LILRA4: variants seen among roughly 807,000 people sequenced by gnomAD.
The protein encoded by LILRA4 is leukocyte immunoglobulin-like receptor subfamily A member 4.
Under a neutral mutation model 49.5 loss-of-function variants are expected in LILRA4, and 51 were observed. That is an observed-to-expected ratio of 1.03 (90% CI 0.82 to 1.30). LILRA4 has a LOEUF of 1.30. LILRA4 is among the 50% of genes most tolerant of loss of function. The pLI is 0.00. For missense variants in LILRA4, 624 were observed against 625.6 expected (o/e 1.00, Z 0.03); for synonymous variants, 272 against 265.6 (o/e 1.02, Z -0.23).
chr19:54,337,731 T>C, intron 4 of LILRA4, 35 bp from the exon 5 acceptor site: 1 of 1,593,390 alleles, frequency 6.3e-7, no homozygotes, highest in South Asian at 1.1e-5. Flanking sequence ...TCGGAGCGGC[T>C]GGTTCCTCCT....
chr19:54,338,476 T>C lies in LILRA4; in HGVS notation c.275A>G (p.His92Arg), dbSNP rs531284472. ...KLSIPSMMWEHAGRYHCYYQS... is the reference protein window; with the variant it reads ...KLSIPSMMWERAGRYHCYYQS... ...ATAGTAACAGTGATATCGCCCTGCA[T>C]GTTCCCACATCATGGATGGGATGGA... The change falls in exon 3 of 8, where the codon CAT becomes CGT. Residue 92 changes from histidine to arginine, a missense_variant. Transcript: ENST00000291759. 2.5e-6 allele frequency: 4 copies of C among 1,614,164 alleles called. No individual in the cohort carries two copies. Among genetic ancestry groups the C allele is most frequent in the African/African-American group, 2.7e-5 (2 of 75,046 alleles).
chr19:54,338,217 A>G lies in LILRA4; in HGVS notation c.374T>C (p.Leu125Pro), dbSNP rs1434356725. Residue 125 changes from leucine to proline, a missense_variant, in exon 4 of 8, where the codon CTG becomes CCG. Coordinates refer to ENST00000291759, the MANE Select transcript of LILRA4 (RefSeq NM_012276.5). ...LVVTAYSRPT[L>P]SALPSPVVTS... ...CACCACAGGGCTTGGCAGTGCGGAC[A>G]GGGTGGGTCTGCTGTAGGCTTTCAA... 2 of 1,611,736 alleles carry G rather than the reference A, an allele frequency of 1.2e-6. No individual in the cohort carries two copies. The highest frequency in any genetic ancestry group is 2.2e-5 in the South Asian group (2 of 91,024).
rs1569167301 is a variant in LILRA4 at position 54,338,514 on chromosome 19, G to A, written c.237C>T (p.Asn79=). The A allele has an allele frequency of 1.9e-6, 3 of 1,614,024 alleles. No homozygotes were observed. The highest frequency in any genetic ancestry group is 2.5e-6 in the Non-Finnish European group (3 of 1,180,000). Reference sequence around the variant, plus strand: ...TGGATGGGATGGAGAGTTTGACCTTGTTTTCAGACTCCAGTGTTTTTAATA... The same window carrying A: ...TGGATGGGATGGAGAGTTTGACCTTATTTTCAGACTCCAGTGTTTTTAATA... ...RHILKTLESE[N]KVKLSIPSMM... The change falls in exon 3 of 8, where the codon AAC becomes AAT. Residue 79 remains asparagine, a synonymous_variant. Coordinates refer to ENST00000291759, the MANE Select transcript of LILRA4 (RefSeq NM_012276.5).
At chr19:54,337,821 G>C in intron 4 of LILRA4, 115 bp downstream of exon 4, 1 of 1,445,684 alleles carries the variant, frequency 6.9e-7, no homozygotes, top group Non-Finnish European at 9.3e-7. Context: ...TGTGTCCCCA[G>C]GGCCCCCATC....
Position 54,337,603 on chromosome 19 carries a change from T to C in LILRA4, c.749A>G (p.Tyr250Cys), listed in dbSNP as rs1377296651. Residue 250 changes from tyrosine to cysteine, a missense_variant, in exon 5 of 8, where the codon TAC (tyrosine) becomes TGC (cysteine). Tyr to Cys is a radical substitution (Grantham distance 194, BLOSUM62 -2). Coordinates refer to ENST00000291759, the MANE Select transcript of LILRA4 (RefSeq NM_012276.5). ...CTCCTTGTACAGAGTGTATCTGATG[T>C]AGCCGACATCAGAGCCACACTGGAG... ...LTLQCGSDVG[Y>C]IRYTLYKEGA... is the part of the protein sequence containing the mutation. The C allele has an allele frequency of 5.0e-6, 8 of 1,613,670 alleles. No homozygotes were observed. The highest frequency in any genetic ancestry group is 6.8e-6 in the Non-Finnish European group (8 of 1,179,920).
At chr19:54,337,869 G>A in intron 4 of LILRA4, 67 bp downstream of exon 4, 1 of 1,528,110 alleles carries the variant, frequency 6.5e-7, no homozygotes, top group Non-Finnish European at 8.8e-7. Context: ...GCTAGCCCGA[G>A]GGTAAGGCTC....
At chr19:54,337,899 C>T (rs768453006) in intron 4 of LILRA4, 37 bp downstream of exon 4, 3 of 1,577,492 alleles carry the variant, frequency 1.9e-6, no homozygotes, top group Non-Finnish European at 2.6e-6. Flanking sequence ...CACCTGGTGC[C>T]CTGACTTTGT....
At chr19:54,337,358 C>A in intron 5 of LILRA4, 42 bp downstream of exon 5, 1 of 1,603,040 alleles carries the variant, frequency 6.2e-7, no homozygotes, top group Middle Eastern at 2.3e-4. Flanking sequence ...AGGGCCTGTG[C>A]AGAGCCTGGG....
At position 54,337,505 on chromosome 19, in the gene LILRA4, T is replaced by G; in HGVS notation, c.847A>C (p.Ser283Arg). The G allele has an allele frequency of 6.2e-7, 1 of 1,606,756 alleles. No individual in the cohort carries two copies. The highest frequency in any genetic ancestry group is 8.5e-7 in the Non-Finnish European group (1 of 1,174,872). The change falls in exon 5 of 8, where the codon AGC becomes CGC. Residue 283 changes from serine (S) to arginine (R), a missense_variant. Ser to Arg is a moderately radical substitution (Grantham distance 110). Transcript: ENST00000291759. ...CCCCCGTAGGAGCGGCTCACAGGGC[T>G]CAGGGTGAAGTTGGCCTGGGAGAGC... The part of the protein sequence containing the change: ...AGLSQANFTL[S>R]PVSRSYGGQY...
At position 54,337,708 on chromosome 19, in the gene LILRA4, G is replaced by T; in HGVS notation, c.656-12C>A. 6.2e-7 allele frequency: 1 copy of T among 1,609,980 alleles called. No homozygotes were observed. Among genetic ancestry groups the T allele is most frequent in the Non-Finnish European group, 8.5e-7 (1 of 1,178,744 alleles). ...CTTCCTAGACACGCCTGGAGGGAAA[G>T]ATGAGTTGGGACTCGGAGCGGCTGG... On this transcript the variant is annotated splice_polypyrimidine_tract_variant and intron_variant, in intron 4 of 7. Coordinates refer to ENST00000291759, the MANE Select transcript of LILRA4 (RefSeq NM_012276.5).
Position 54,333,719 on chromosome 19 carries a change from A to G in LILRA4, c.1353T>C (p.Gly451=), listed in dbSNP as rs143313625. The part of the protein sequence containing the change: ...DYTVENLIRM[G]VAGLVLLFLG... ...GGAACAGCAGGACCAAGCCAGCCAC[A>G]CCCATGCGGATGAGATTCTCCACTG... is the stretch of plus-strand genomic sequence containing the variant. The change falls in exon 8 of 8, where the codon GGT becomes GGC. Residue 451 remains glycine (G), a synonymous_variant. Coordinates refer to ENST00000291759, the MANE Select transcript of LILRA4 (RefSeq NM_012276.5). 2.7e-3 allele frequency: 4,282 copies of G among 1,614,030 alleles called. 12 individuals are homozygous for G. The highest frequency in any genetic ancestry group is 3.1e-3 in the Non-Finnish European group (3,666 of 1,179,998).
chr19:54,337,121 G>A lies in LILRA4; in HGVS notation c.975C>T (p.Ser325=). ...CCGTGGGGCCCGGCTGCACTGAGAG[G>A]GAGGGTCTGTCAGAGATCTGTCCTG... ...LIAGQISDRP[S]LSVQPGPTVT... is the part of the protein sequence containing the mutation. Residue 325 remains serine, a synonymous_variant, in exon 6 of 8, where the codon TCC becomes TCT. Transcript: ENST00000291759. 1 of 1,613,640 alleles carries A rather than the reference G, an allele frequency of 6.2e-7. No homozygotes were observed. Among genetic ancestry groups the A allele is most frequent in the Non-Finnish European group, 8.5e-7 (1 of 1,179,744 alleles).
Position 54,337,965 on chromosome 19 carries a change from G to T in LILRA4, c.626C>A (p.Pro209His), listed in dbSNP as rs756697691. 2.5e-6 allele frequency: 4 copies of T among 1,612,616 alleles called. No individual in the cohort carries two copies. The highest frequency in any genetic ancestry group is 3.4e-6 in the Non-Finnish European group (4 of 1,179,458). The change falls in exon 4 of 8, where the codon CCC (proline) becomes CAC (histidine). Residue 209 changes from proline (P) to histidine (H), a missense_variant. Coordinates refer to ENST00000291759, the MANE Select transcript of LILRA4 (RefSeq NM_012276.5). ...ENNTPYVWSE[P>H]SDPLQLLVSG... is the part of the protein sequence containing the mutation. ...CACCAGTAGCTGCAGGGGGTCACTG[G>T]GTTCCGACCACACGTATGGGGTGTT...
At position 54,333,606 on chromosome 19, in the gene LILRA4, G is replaced by C. The variant is rs529369358; in HGVS notation, c.1466C>G (p.Pro489Arg). 1 of 1,614,082 alleles carries C rather than the reference G, an allele frequency of 6.2e-7. No individual in the cohort carries two copies. The highest frequency in any genetic ancestry group is 1.1e-5 in the South Asian group (1 of 91,072). Reference protein sequence around the residue: ...QEANSRKDNAPFRVVEPWEQI With the variant: ...QEANSRKDNARFRVVEPWEQI ...TTCCCAAGGCTCCACCACTCTGAAG[G>C]GTGCATTGTCCTTTCTGCTGTTTGC... Residue 489 changes from proline to arginine, a missense_variant, in exon 8 of 8, where the codon CCC (proline) becomes CGC (arginine). By Grantham distance (103) the Pro-to-Arg change is moderately radical. Transcript: ENST00000291759.
At chr19:54,337,201 C>T in intron 5 of LILRA4, 58 bp from the exon 6 acceptor site, 2 of 1,544,192 alleles carry the variant, frequency 1.3e-6, no homozygotes, top group South Asian at 2.5e-5. Context: ...CTGAGACCTC[C>T]CCACCAGTCC....
Position 54,337,923 on chromosome 19 carries a change from A to G in LILRA4, c.655+13T>C. On this transcript the variant is annotated intron_variant, in intron 4 of 7. Transcript: ENST00000291759. ...CCCTGACTTTGTATAAGGAAAAGCT[A>G]CGGCTTCCTCACCTGACACCAGTAG... 1 of 1,598,146 alleles carries G rather than the reference A, an allele frequency of 6.3e-7. No individual in the cohort carries two copies. Among genetic ancestry groups the G allele is most frequent in the Non-Finnish European group, 8.5e-7 (1 of 1,171,936 alleles).
intron 4 of LILRA4, 71 bp from the exon 5 acceptor site, chr19:54,337,767 T>C (rs1243225695): frequency 6.6e-7 from 1 of 1,519,674 alleles, no homozygotes; most frequent in African/African-American, 1.4e-5. Context: ...GTAGCCTTCC[T>C]CACTAGGGTT....
At chr19:54,338,313 G>A in intron 3 of LILRA4, 78 bp from the exon 4 acceptor site, 1 of 1,596,534 alleles carries the variant, frequency 6.3e-7, no homozygotes, top group Non-Finnish European at 8.5e-7. Context: ...TGGGCTGTGA[G>A]AAGGGAGACC....
chr19:54,339,027 C>T, intron 1 of LILRA4, 33 bp downstream of exon 1: 1 of 1,613,902 alleles, frequency 6.2e-7, no homozygotes, highest in Non-Finnish European at 8.5e-7. Flanking sequence ...CTCTCCTAGA[C>T]TAGGGTCTCT....
Sources: allele counts gnomAD v4.1 joint callset, GRCh38; gene constraint gnomAD v4.1.1; transcripts MANE v1.5; gene names NCBI Gene and HGNC (gene_info 2026-07-23, HGNC 2026-07-21).